Variants in RNF114 observed in about 807,000 individuals in gnomAD.
The protein encoded by RNF114 is ring finger protein 114, also known as E3 ubiquitin-protein ligase RNF114.
In RNF114, 6 loss-of-function variants were observed where a neutral mutation model predicts 28.4. The ratio of observed to expected loss-of-function variants is 0.21; its 90% CI spans 0.12 to 0.42. RNF114 has a LOEUF of 0.42. Ranked by LOEUF, RNF114 falls within the 10% of genes least tolerant of loss-of-function variation. The pLI, the probability that RNF114 is intolerant of heterozygous loss-of-function variation, is 1.00. For missense variants in RNF114, 249 were observed against 311.7 expected, an observed-to-expected ratio of 0.80 and a Z score of 1.51; for synonymous variants, 115 against 116.7, an observed-to-expected ratio of 0.99 and a Z score of 0.09.
chr20:49,948,859 A>C (rs900945974), intron 4 of RNF114, among the ~76,000 whole-genome samples: 3 of 152,148 alleles, frequency 2.0e-5, no homozygotes, highest in African/African-American at 7.2e-5. Context: ...TCCTTTGTTA[A>C]GATGCATGTA....
At chr20:49,942,469 C>A (rs2090311552) in intron 2 of RNF114, among the ~76,000 whole-genome samples, 1 of 152,098 alleles carries the variant, frequency 6.6e-6, no homozygotes, top group African/African-American at 2.4e-5. Context: ...AAATTGCAGA[C>A]CATACAAAAG....
rs977462013 is a variant in RNF114 at position 49,945,144 on chromosome 20, A to G, written c.292-238A>G. On this transcript the variant is annotated intron_variant, in intron 2 of 5. Transcript: ENST00000244061. The stretch of plus-strand genomic sequence containing the variant: ...TCATGAATAGGAGCAAACCTCTAGG[A>G]GAGTTATTTTAGAGTGGAAGTGGAT... The G allele has an allele frequency of 9.4e-6, 4 of 425,136 alleles. No homozygotes were observed. In the Admixed American group the frequency reaches 1.1e-4, roughly 12 times the overall value. The allele number at this position is 425,136 out of a possible 1,614,324, so 26.3% of individuals were successfully genotyped here. A position where few individuals can be genotyped will look rare whatever the true frequency, so the allele number is the denominator to read the frequency against.
rs1049972852 is a variant in RNF114, at chr20:49,942,680, A to C, written c.291+969A>C. ...TCTACTGAAAATACAAAAAACTAGCAGGGCATGGTGGTGTGTGCCCGTAGT... is the reference window on the plus strand; with the variant it reads ...TCTACTGAAAATACAAAAAACTAGCCGGGCATGGTGGTGTGTGCCCGTAGT... On this transcript the variant is annotated intron_variant, in intron 2 of 5. Coordinates refer to ENST00000244061, the MANE Select transcript of RNF114 (RefSeq NM_018683.4). Among the ~76,000 whole-genome samples, 33 of 152,222 alleles carry C rather than the reference A, an allele frequency of 2.2e-4. No homozygotes were observed. In the South Asian group the frequency reaches 2.5e-3, roughly 11 times the overall value.
chr20:49,952,011 T>TCCAGTTGCTAGGCTGTCCTGCTTCA, intron 5 of RNF114, 65 bp from the exon 6 acceptor site: 1 of 1,286,042 alleles, frequency 7.8e-7, no homozygotes, highest in Non-Finnish European at 1.1e-6. Flanking sequence ...GTCCTGCTTC[T>TCCAGTTGCTAGGCTGTCCTGCTTCA]ACTGAAAGCC....
chr20:49,951,933 T>G (rs573318388), intron 5 of RNF114, 143 bp from the exon 6 acceptor site: 63 of 627,906 alleles, frequency 1.0e-4, no homozygotes, highest in African/African-American at 4.5e-4. Context: ...GTTACATACC[T>G]AGCATCACAA....
intron 1 of RNF114, 135 bp downstream of exon 1, chr20:49,936,687 C>T (rs2090288155): frequency 1.8e-6 from 2 of 1,124,784 alleles, no homozygotes; most frequent in East Asian, 6.4e-5. Context: ...CCCGGGGCTC[C>T]TAAGGGCCGT....
At chr20:49,946,098 C>A in intron 3 of RNF114, 38 bp from the exon 4 acceptor site, 3 of 1,209,764 alleles carry the variant, frequency 2.5e-6, no homozygotes, top group Non-Finnish European at 3.6e-6. Context: ...AAGGTACTCA[C>A]AGAAAAGTTT....
chr20:49,939,548 A>G (rs547092459), intron 1 of RNF114, among the ~76,000 whole-genome samples: 2 of 152,222 alleles, frequency 1.3e-5, no homozygotes, highest in African/African-American at 4.8e-5. Flanking sequence ...TCTCAGCATT[A>G]CCATCTTCCT....
At chr20:49,949,691 C>T (rs1182758963) in intron 5 of RNF114, among the ~76,000 whole-genome samples, 1 of 152,120 alleles carries the variant, frequency 6.6e-6, no homozygotes, top group Non-Finnish European at 1.5e-5. Flanking sequence ...GTCGCCCAGG[C>T]TGGAATGCAG....
intron 5 of RNF114, 127 bp downstream of exon 5, chr20:49,949,482 T>C: frequency 1.3e-6 from 1 of 747,948 alleles, no homozygotes; most frequent in Non-Finnish European, 2.3e-6. Context: ...GCTTCCAGTC[T>C]GTATACTGGA....
At chr20:49,941,825 C>T (rs1028136462) in intron 2 of RNF114, 114 bp downstream of exon 2, 11 of 1,048,462 alleles carry the variant, frequency 1.0e-5, no homozygotes, top group Admixed American at 7.5e-5. Context: ...TAACAGCACG[C>T]GTGCATGCCA....
chr20:49,946,078 G>A (rs1280576278), intron 3 of RNF114, 58 bp from the exon 4 acceptor site: 3 of 890,948 alleles, frequency 3.4e-6, no homozygotes, highest in Admixed American at 2.4e-5. Flanking sequence ...TGTGGTTGAA[G>A]TTTAATGGAA....
intron 1 of RNF114, among the ~76,000 whole-genome samples, chr20:49,939,837 CAG>C (rs2090300383): frequency 6.6e-6 from 1 of 151,662 alleles, no homozygotes; most frequent in South Asian, 2.1e-4. Context: ...GGTGGATCAC[CAG>C]AGGTCAGGAG....
intron 3 of RNF114, among the ~76,000 whole-genome samples, chr20:49,945,851 G>C (rs2090328627): frequency 6.6e-6 from 1 of 152,140 alleles, no homozygotes; most frequent in Non-Finnish European, 1.5e-5. Flanking sequence ...TTTTTTAGTA[G>C]AGACAGGGTT....
chr20:49,943,884 A>ATG, intron 2 of RNF114: 1 of 143,594 alleles, frequency 7.0e-6, no homozygotes, highest in Middle Eastern at 3.6e-3. Flanking sequence ...ATATATATAT[A>ATG]TATATATATA....
At chr20:49,945,556 C>T (rs2090327132) in intron 3 of RNF114, 68 bp downstream of exon 3, 3 of 356,642 alleles carry the variant, frequency 8.4e-6, no homozygotes, top group East Asian at 5.5e-5. Context: ...GTTGCATGCC[C>T]AGGGGTTTAG....
At chr20:49,945,533 T>A in intron 3 of RNF114, 45 bp downstream of exon 3, 1 of 964,626 alleles carries the variant, frequency 1.0e-6, no homozygotes, top group Non-Finnish European at 1.5e-6. Context: ...TCTCTTGCTA[T>A]TAATACAAAG....
intron 1 of RNF114, among the ~76,000 whole-genome samples, 168 bp from the exon 2 acceptor site, chr20:49,941,393 C>G (rs1345896497): frequency 6.6e-6 from 1 of 152,172 alleles, no homozygotes; most frequent in Admixed American, 6.5e-5. Flanking sequence ...GTAGTCCACT[C>G]CTATCCCTCA....
At chr20:49,937,461 C>A (rs972777872) in intron 1 of RNF114, among the ~76,000 whole-genome samples, 4 of 152,148 alleles carry the variant, frequency 2.6e-5, no homozygotes, top group African/African-American at 9.7e-5. Flanking sequence ...GGGCATTATT[C>A]TATAGCCACC....
Sources: allele counts gnomAD v4.1 joint callset (sites outside exome capture counted in the v4.1 genomes callset), GRCh38; gene constraint gnomAD v4.1.1; transcripts MANE v1.5; gene names NCBI Gene and HGNC (gene_info 2026-07-23, HGNC 2026-07-21).